The following ATP8A2 variants were observed in gnomAD, a reference collection of about 807,000 sequenced individuals.
ATP8A2 encodes the protein phospholipid-transporting ATPase IB.
Under a neutral mutation model 165.6 loss-of-function variants are expected in ATP8A2, and 100 were observed. The observed-to-expected ratio is 0.60, with a 90% CI of 0.51 to 0.71. The LOEUF is 0.71. Among genes scored for constraint, ATP8A2 ranks in the 30% least tolerant of loss-of-function variants. The pLI, the probability that ATP8A2 is intolerant of heterozygous loss-of-function variation, is 0.00. For synonymous variants in ATP8A2, 543 were observed against 548.8 expected (o/e 0.99, Z 0.15); for missense variants, 1,227 against 1,479.5 (o/e 0.83, Z 2.80).
chr13:25,635,904 T>C (rs934081790), intron 24 of ATP8A2, among the ~76,000 whole-genome samples: 6 of 152,230 alleles, frequency 3.9e-5, no homozygotes, highest in African/African-American at 1.4e-4. Flanking sequence ...TTATTTTAAA[T>C]GGAGCTTTTG....
chr13:25,605,990 C>G (rs1254392120), intron 24 of ATP8A2, among the ~76,000 whole-genome samples: 1 of 152,138 alleles, frequency 6.6e-6, no homozygotes, highest in East Asian at 1.9e-4. Context: ...TCTTGCCCTC[C>G]AAGTAAATTC....
At chr13:25,919,660 C>T (rs922015577) in intron 33 of ATP8A2, among the ~76,000 whole-genome samples, 1 of 152,132 alleles carries the variant, frequency 6.6e-6, no homozygotes, top group East Asian at 1.9e-4. Flanking sequence ...CCCATCACTG[C>T]CCCTCATACT....
chr13:25,639,573 C>T (rs961949681), intron 24 of ATP8A2, among the ~76,000 whole-genome samples: 4 of 152,172 alleles, frequency 2.6e-5, no homozygotes, highest in African/African-American at 7.2e-5. Context: ...TATATATGCA[C>T]CCAATACAGG....
intron 27 of ATP8A2, among the ~76,000 whole-genome samples, chr13:25,818,985 T>C (rs1388978625): frequency 6.6e-6 from 1 of 152,214 alleles, no homozygotes. Context: ...GTTGAAGTGA[T>C]GCTTATTTGT....
chr13:25,699,876 G>A (rs1186885376), intron 25 of ATP8A2, among the ~76,000 whole-genome samples: 1 of 150,990 alleles, frequency 6.6e-6, no homozygotes, highest in Non-Finnish European at 1.5e-5. Context: ...GTGGGGGATT[G>A]TTACATTCCA....
intron 1 of ATP8A2, among the ~76,000 whole-genome samples, chr13:25,429,795 AC>A (rs2034555059): frequency 6.6e-6 from 1 of 152,166 alleles, no homozygotes; most frequent in Admixed American, 6.6e-5. Context: ...GGAGGAGGCC[AC>A]AGCATTGGGC....
intron 27 of ATP8A2, among the ~76,000 whole-genome samples, chr13:25,781,753 A>G (rs899415124): frequency 6.6e-6 from 1 of 152,128 alleles, no homozygotes; most frequent in African/African-American, 2.4e-5. Context: ...CGGCCTCCTG[A>G]GCTGTTGAGA....
At chr13:25,765,074 A>G (rs1477038804) in intron 25 of ATP8A2, among the ~76,000 whole-genome samples, 1 of 152,236 alleles carries the variant, frequency 6.6e-6, no homozygotes, top group African/African-American at 2.4e-5. Context: ...ATTTGAAATA[A>G]TGTTAGAGAG....
intron 33 of ATP8A2, among the ~76,000 whole-genome samples, chr13:25,869,083 A>G (rs1037654683): frequency 6.6e-6 from 1 of 151,910 alleles, no homozygotes. Flanking sequence ...AAAAAAAAAA[A>G]AAAAAAAAAA....
chr13:25,950,084 G>C (rs1050197882), intron 33 of ATP8A2, among the ~76,000 whole-genome samples: 6 of 152,176 alleles, frequency 3.9e-5, no homozygotes, highest in Admixed American at 3.9e-4. Context: ...ACAGGTGTGA[G>C]CCACCGCTCC....
At chr13:25,449,597 T>C (rs1189551250) in intron 1 of ATP8A2, among the ~76,000 whole-genome samples, 1 of 152,216 alleles carries the variant, frequency 6.6e-6, no homozygotes, top group Non-Finnish European at 1.5e-5. Flanking sequence ...TCACATCTTG[T>C]GTATCACTAT....
chr13:25,995,227 A>C (rs1352853102), intron 35 of ATP8A2, among the ~76,000 whole-genome samples: 1 of 151,340 alleles, frequency 6.6e-6, no homozygotes, highest in South Asian at 2.1e-4. Flanking sequence ...TTTCTTTGTA[A>C]GTATTGCTAG....
chr13:25,668,663 T>C (rs150295206), intron 24 of ATP8A2, among the ~76,000 whole-genome samples: 23 of 152,308 alleles, frequency 1.5e-4, no homozygotes, highest in African/African-American at 5.0e-4. Context: ...CATTTGCATG[T>C]GTTGGTATGC....
At chr13:25,695,752 T>C (rs1237150035) in intron 24 of ATP8A2, among the ~76,000 whole-genome samples, 1 of 152,182 alleles carries the variant, frequency 6.6e-6, no homozygotes, top group African/African-American at 2.4e-5. Context: ...TAATTCTAGT[T>C]CTCCCGTTGC....
intron 24 of ATP8A2, among the ~76,000 whole-genome samples, chr13:25,653,232 TA>T (rs2041854319): frequency 6.6e-6 from 1 of 152,166 alleles, no homozygotes; most frequent in South Asian, 2.1e-4. Flanking sequence ...CCAGACTGGA[TA>T]AAGGTGGTAC....
At chr13:25,477,999 G>A (rs994811799) in intron 2 of ATP8A2, among the ~76,000 whole-genome samples, 1 of 152,144 alleles carries the variant, frequency 6.6e-6, no homozygotes, top group African/African-American at 2.4e-5. Flanking sequence ...AAGTATCTGA[G>A]AGAATAGGAA....
At chr13:25,417,355 C>A (rs1490295243) in intron 1 of ATP8A2, among the ~76,000 whole-genome samples, 1 of 151,828 alleles carries the variant, frequency 6.6e-6, no homozygotes, top group Non-Finnish European at 1.5e-5. Context: ...CCCCAAATGC[C>A]TGGCTTCTAA....
At chr13:25,803,587 C>G (rs180867620) in intron 27 of ATP8A2, among the ~76,000 whole-genome samples, 3 of 152,348 alleles carry the variant, frequency 2.0e-5, no homozygotes, top group Admixed American at 1.3e-4. Flanking sequence ...GTCCAACTCT[C>G]GTGCGTGTGC....
chr13:25,945,309 G>A (rs1274029660), intron 33 of ATP8A2, among the ~76,000 whole-genome samples: 1 of 152,100 alleles, frequency 6.6e-6, no homozygotes, highest in Non-Finnish European at 1.5e-5. Context: ...TTCTGGGGGA[G>A]TGTGCTTTCT....
Sources: allele counts gnomAD v4.1 joint callset (sites outside exome capture counted in the v4.1 genomes callset), GRCh38; gene constraint gnomAD v4.1.1; transcripts MANE v1.5; gene names NCBI Gene and HGNC (gene_info 2026-07-23, HGNC 2026-07-21).